Variants in AGMO observed in about 807,000 individuals in gnomAD.
AGMO encodes the protein glyceryl-ether monooxygenase.
In AGMO, 75 loss-of-function variants were observed where a neutral mutation model predicts 60.2. That is an observed-to-expected ratio of 1.25 (90% CI 1.03 to 1.51). The LOEUF (loss-of-function observed/expected upper bound fraction) is 1.51. Among genes scored for constraint, AGMO ranks in the 40% most tolerant of loss-of-function variants. AGMO has a pLI of 0.00. For synonymous variants in AGMO, 261 were observed against 177.1 expected (o/e 1.47, Z -3.76); for missense variants, 763 against 525.5 (o/e 1.45, Z -4.42).
chr7:15,279,566 C>A (rs1042075408), intron 12 of AGMO, among the ~76,000 whole-genome samples: 2 of 152,146 alleles, frequency 1.3e-5, no homozygotes, highest in East Asian at 3.9e-4. Context: ...TGTTAACATG[C>A]CCCTCCAACT....
At position 15,248,191 on chromosome 7, in the gene AGMO, T is replaced by C. The variant is rs10275138; in HGVS notation, c.1264-46832A>G. ...TGTGATCCAGCACCATATATATATATATATATATATATATATATATATATA... is the reference window on the plus strand; with the variant it reads ...TGTGATCCAGCACCATATATATATACATATATATATATATATATATATATA... On this transcript the variant is annotated intron_variant, in intron 12 of 12. Transcript: ENST00000342526. Among the ~76,000 whole-genome samples, 282 of 48,794 alleles carry C rather than the reference T, an allele frequency of 5.8e-3. 3 individuals are homozygous for C. The highest frequency in any genetic ancestry group is 0.018 in the South Asian group (21 of 1,162). 32.0% of individuals were successfully genotyped at this position (48,794 alleles called of 152,430 possible).
intron 2 of AGMO, among the ~76,000 whole-genome samples, chr7:15,554,762 A>C (rs1419325595): frequency 2.6e-5 from 4 of 152,114 alleles, no homozygotes; most frequent in Non-Finnish European, 4.4e-5. Context: ...TTGAAAAATA[A>C]TCAATAAATC....
intron 12 of AGMO, among the ~76,000 whole-genome samples, chr7:15,271,089 A>G (rs376528946): frequency 2.9e-4 from 44 of 152,176 alleles, no homozygotes; most frequent in African/African-American, 9.9e-4. Context: ...ATATAATTTG[A>G]ACTCAGGGAA....
intron 12 of AGMO, among the ~76,000 whole-genome samples, chr7:15,257,659 T>A (rs1401969707): frequency 1.3e-5 from 2 of 152,202 alleles, no homozygotes; most frequent in African/African-American, 2.4e-5. Context: ...TAAAAGATGT[T>A]ACATATTACT....
At chr7:15,358,539 C>G (rs939784761) in intron 12 of AGMO, 3 of 407,162 alleles carry the variant, frequency 7.4e-6, no homozygotes, top group Non-Finnish European at 1.5e-5. Context: ...CAGGGATTCC[C>G]TTCTTAGATG....
intron 12 of AGMO, among the ~76,000 whole-genome samples, chr7:15,201,816 A>C (rs1583287591): frequency 6.6e-6 from 1 of 152,308 alleles, no homozygotes; most frequent in East Asian, 1.9e-4. Flanking sequence ...GCCCAACGTG[A>C]ATTAAATTCT....
the AGMO span, among the ~76,000 whole-genome samples, chr7:15,192,681 C>T: frequency 1.3e-5 from 2 of 152,178 alleles, no homozygotes; most frequent in Non-Finnish European, 2.9e-5. Flanking sequence ...ACAGCAACTG[C>T]TAATAGAGCA....
In AGMO at chr7:15,209,454, A is replaced by G. The variant is rs141996478; in HGVS notation, c.1264-8095T>C. 3.2e-4 allele frequency among the ~76,000 whole-genome samples: 49 copies of G among 152,342 alleles called. 1 individual carries two copies. In the East Asian group the frequency reaches 3.5e-3, roughly 11 times the overall value. The stretch of plus-strand genomic sequence containing the variant: ...ATCACAGAGATGTCTGGTTTTAAAA[A>G]TAAGACAGCCTATCTTGAAAAGATA... On this transcript the variant is annotated intron_variant, in intron 12 of 12. Coordinates refer to ENST00000342526, the MANE Select transcript of AGMO (RefSeq NM_001004320.2).
chr7:15,329,609 G>A (rs1195593662), intron 12 of AGMO, among the ~76,000 whole-genome samples: 4 of 152,196 alleles, frequency 2.6e-5, no homozygotes. Flanking sequence ...TTTTCATATA[G>A]TTAACATTTA....
chr7:15,352,757 A>G (rs1782295614), intron 12 of AGMO, among the ~76,000 whole-genome samples: 1 of 151,580 alleles, frequency 6.6e-6, no homozygotes, highest in African/African-American at 2.4e-5. Context: ...CAGCGACAGG[A>G]TTCTCCTTAG....
At chr7:15,501,364 G>A (rs901723291) in intron 3 of AGMO, among the ~76,000 whole-genome samples, 1 of 151,926 alleles carries the variant, frequency 6.6e-6, no homozygotes, top group African/African-American at 2.4e-5. Flanking sequence ...AAAAGTAGAT[G>A]CTTGTGATGA....
At chr7:15,295,221 ATAT>A in intron 12 of AGMO, among the ~76,000 whole-genome samples, 1 of 152,036 alleles carries the variant, frequency 6.6e-6, no homozygotes, top group East Asian at 1.9e-4. Context: ...GGCCTCATTC[ATAT>A]TAAGAAAATA....
intron 3 of AGMO, among the ~76,000 whole-genome samples, chr7:15,477,134 T>A (rs1436418499): frequency 6.6e-6 from 1 of 152,012 alleles, no homozygotes; most frequent in Non-Finnish European, 1.5e-5. Context: ...GAACATTCTT[T>A]TTTTTTACAA....
chr7:15,251,692 C>A (rs1393350007), intron 12 of AGMO, among the ~76,000 whole-genome samples: 1 of 152,146 alleles, frequency 6.6e-6, no homozygotes, highest in Non-Finnish European at 1.5e-5. Context: ...TACTAGAAGG[C>A]TAGTGTTAGA....
At chr7:15,118,983 A>G in the AGMO span, among the ~76,000 whole-genome samples, 1 of 103,158 alleles carries the variant, frequency 9.7e-6, no homozygotes, top group Admixed American at 1.2e-4. Context: ...GAATTAAGCT[A>G]TTGGGGTTTT....
intron 3 of AGMO, among the ~76,000 whole-genome samples, chr7:15,543,125 T>G (rs1033232208): frequency 5.3e-5 from 8 of 152,118 alleles, no homozygotes; most frequent in Non-Finnish European, 1.0e-4. Flanking sequence ...TTATTAGTAT[T>G]ATTCCAGGTT....
chr7:15,533,791 C>T (rs1036221230), intron 3 of AGMO, among the ~76,000 whole-genome samples: 2 of 152,112 alleles, frequency 1.3e-5, no homozygotes, highest in African/African-American at 2.4e-5. Context: ...TTTTCCGGGG[C>T]TCTTCTGTTC....
At position 15,549,170 on chromosome 7, in the gene AGMO, T is replaced by A. The variant is rs1398320880; in HGVS notation, c.258-4247A>T. Among the ~76,000 whole-genome samples the A allele has an allele frequency of 4.5e-3, 650 of 143,886 alleles. 2 individuals carry two copies. The highest frequency in any genetic ancestry group is 7.8e-3 in the Non-Finnish European group (516 of 66,170). 94.4% of individuals were successfully genotyped at this position (143,886 alleles called of 152,430 possible). A position where few individuals can be genotyped will look rare whatever the true frequency, so the allele number is the denominator to read the frequency against. On this transcript the variant is annotated intron_variant, in intron 2 of 12. Coordinates refer to ENST00000342526, the MANE Select transcript of AGMO (RefSeq NM_001004320.2). ...CTAAAAGAGCTCCTGAAGGAAGCGC[T>A]AAACATGGAAAGGAACAACCGGTAC...
At chr7:15,497,475 A>ACC (rs1326836323) in intron 3 of AGMO, among the ~76,000 whole-genome samples, 1 of 152,122 alleles carries the variant, frequency 6.6e-6, no homozygotes, top group Admixed American at 6.6e-5. Context: ...TGGAGGTACA[A>ACC]ACATCATCAA....
Sources: allele counts gnomAD v4.1 joint callset (sites outside exome capture counted in the v4.1 genomes callset), GRCh38; gene constraint gnomAD v4.1.1; transcripts MANE v1.5; gene names NCBI Gene and HGNC (gene_info 2026-07-23, HGNC 2026-07-21).